ELMOD1: variants seen among roughly 807,000 people sequenced by gnomAD.
The protein encoded by ELMOD1 is ELMO domain-containing protein 1.
Under a neutral mutation model 46.7 loss-of-function variants are expected in ELMOD1, and 21 were observed. That is an observed-to-expected ratio of 0.45 (90% CI 0.32 to 0.65). The LOEUF (loss-of-function observed/expected upper bound fraction) is 0.65, where lower values mean the gene tolerates loss of function less well. Ranked by LOEUF, ELMOD1 falls within the 30% of genes least tolerant of loss-of-function variation. The pLI is 0.04. For missense variants in ELMOD1, 348 were observed against 407.8 expected (o/e 0.85, Z 1.26); for synonymous variants, 122 against 138.2 (o/e 0.88, Z 0.82).
intron 1 of ELMOD1, among the ~76,000 whole-genome samples, chr11:107,610,698 T>C (rs1191470249): frequency 6.6e-6 from 1 of 151,612 alleles, no homozygotes; most frequent in African/African-American, 2.4e-5. Context: ...TCTGTATTTT[T>C]CAATTAATGA....
At chr11:107,653,987 G>C in intron 9 of ELMOD1, 185 bp from the exon 10 acceptor site, 1 of 596,160 alleles carries the variant, frequency 1.7e-6, no homozygotes, top group Non-Finnish European at 3.0e-6. Context: ...GAGGTAAATA[G>C]CATGGCCTTA....
chr11:107,647,619 C>T lies in ELMOD1; in HGVS notation c.554+18C>T. Reference sequence around the variant, plus strand: ...AATTTGCAGTAAGTAAAATGAAGGACAGCTAAGTGTTCGAGTGATGTTTTG... The same window carrying T: ...AATTTGCAGTAAGTAAAATGAAGGATAGCTAAGTGTTCGAGTGATGTTTTG... On this transcript the variant is annotated intron_variant, in intron 7 of 11. Transcript: ENST00000265840. 2 of 1,607,972 alleles carry T rather than the reference C, an allele frequency of 1.2e-6. No individual in the cohort carries two copies. The highest frequency in any genetic ancestry group is 1.1e-5 in the South Asian group (1 of 89,490).
At chr11:107,624,843 A>T (rs1027542331) in intron 2 of ELMOD1, among the ~76,000 whole-genome samples, 1 of 152,206 alleles carries the variant, frequency 6.6e-6, no homozygotes, top group African/African-American at 2.4e-5. Context: ...TTATAAAAAG[A>T]GTGCCCTTTG....
intron 1 of ELMOD1, 88 bp downstream of exon 1, chr11:107,591,497 C>G (rs935772946): frequency 4.8e-6 from 1 of 206,490 alleles, no homozygotes; most frequent in African/African-American, 2.3e-5. Flanking sequence ...AGGCATCACG[C>G]AAGCTGCGCT....
chr11:107,643,678 A>T, intron 6 of ELMOD1: 1 of 524,468 alleles, frequency 1.9e-6, no homozygotes, highest in Non-Finnish European at 3.9e-6. Flanking sequence ...TTAAATGTTC[A>T]TACTTCCATA....
At chr11:107,601,787 A>G (rs1865603809) in intron 1 of ELMOD1, among the ~76,000 whole-genome samples, 1 of 152,074 alleles carries the variant, frequency 6.6e-6, no homozygotes, top group Admixed American at 6.5e-5. Flanking sequence ...CCAAACCAAC[A>G]GAGTTGTGAA....
At chr11:107,643,633 G>T in intron 6 of ELMOD1, 1 of 532,082 alleles carries the variant, frequency 1.9e-6, no homozygotes, top group South Asian at 1.4e-5. Flanking sequence ...TCTGAAGTTT[G>T]ACAGCAAGTC....
Position 107,618,146 on chromosome 11 carries a change from T to C in ELMOD1, c.-44T>C. ...CAAAGGCAAATTTGGAAGCAATTAC[T>C]TGAGGACAGTTCATATAGCATCTGG... On this transcript the variant is annotated 5_prime_UTR_variant, in exon 2 of 12. Coordinates refer to ENST00000265840, the MANE Select transcript of ELMOD1 (RefSeq NM_018712.4). 6.4e-7 allele frequency: 1 copy of C among 1,559,554 alleles called. No homozygotes were observed. The highest frequency in any genetic ancestry group is 1.2e-5 in the South Asian group (1 of 84,452).
At position 107,630,739 on chromosome 11, in the gene ELMOD1, T is replaced by C. The variant is rs757649712; in HGVS notation, c.192+11T>C. 6.3e-7 allele frequency: 1 copy of C among 1,596,030 alleles called. No individual in the cohort carries two copies. The highest frequency in any genetic ancestry group is 2.2e-5 in the East Asian group (1 of 44,650). On this transcript the variant is annotated intron_variant, in intron 4 of 11. Coordinates refer to ENST00000265840, the MANE Select transcript of ELMOD1 (RefSeq NM_018712.4). ...GATTCTAAAAGTAAGGTAAGTAAAA[T>C]TATTTTTCAGCAGCTTTTTTTTCAC...
chr11:107,604,117 C>T (rs965324272), intron 1 of ELMOD1, among the ~76,000 whole-genome samples: 2 of 152,044 alleles, frequency 1.3e-5, no homozygotes, highest in African/African-American at 2.4e-5. Context: ...CCCTTTGTGT[C>T]GAGGTAAGAA....
chr11:107,598,613 C>T (rs1485054430), intron 1 of ELMOD1, among the ~76,000 whole-genome samples: 1 of 152,206 alleles, frequency 6.6e-6, no homozygotes, highest in Non-Finnish European at 1.5e-5. Context: ...CCAGATGGTT[C>T]CTTTCCCCAA....
intron 11 of ELMOD1, 141 bp from the exon 12 acceptor site, chr11:107,664,884 T>C (rs1866814547): frequency 2.7e-6 from 2 of 729,036 alleles, no homozygotes; most frequent in Non-Finnish European, 4.5e-6. Flanking sequence ...ACAGTGGTAT[T>C]TTCTAGATTT....
chr11:107,657,509 C>T (rs1444778751), intron 11 of ELMOD1, among the ~76,000 whole-genome samples: 1 of 152,190 alleles, frequency 6.6e-6, no homozygotes, highest in Non-Finnish European at 1.5e-5. Context: ...GCCTGGGTGA[C>T]AGAGCAAGAC....
chr11:107,631,634 G>A lies in ELMOD1; in HGVS notation c.247G>A (p.Asp83Asn), dbSNP rs1320603333. ...HPDAIEKTIE[D>N]IMELKKINPD... The stretch of plus-strand genomic sequence containing the variant: ...CGACGCTATTGAAAAAACTATAGAA[G>A]ATATCATGGAACTGAAAAAAATTAA... The change falls in exon 5 of 12, where the codon GAT (aspartate) becomes AAT (asparagine). Residue 83 changes from aspartate to asparagine, a missense_variant. By Grantham distance (23) the Asp-to-Asn change is conservative. Transcript: ENST00000265840. 1 of 1,562,254 alleles carries A rather than the reference G, an allele frequency of 6.4e-7. No homozygotes were observed. Among genetic ancestry groups the A allele is most frequent in the Admixed American group, 1.9e-5 (1 of 52,732 alleles).
chr11:107,635,196 T>TG lies in ELMOD1; in HGVS notation c.291-434dup, dbSNP rs200712970. On this transcript the variant is annotated intron_variant, in intron 5 of 11. Transcript: ENST00000265840. The stretch of plus-strand genomic sequence containing the variant: ...CTAAGGTAATTCTGATATGACCACC[T>TG]GGGGGGTGCTATATAATCCCTAAGA... 1.4e-4 allele frequency among the ~76,000 whole-genome samples: 22 copies of TG among 152,286 alleles called. No homozygotes were observed. In the East Asian group the frequency reaches 4.2e-3, roughly 29 times the overall value.
At chr11:107,660,371 T>C (rs1395565705) in intron 11 of ELMOD1, among the ~76,000 whole-genome samples, 1 of 152,224 alleles carries the variant, frequency 6.6e-6, no homozygotes, top group African/African-American at 2.4e-5. Context: ...AACACTGAGC[T>C]GCCAAGGTAC....
chr11:107,657,525 C>T lies in ELMOD1; in HGVS notation c.832+1459C>T, dbSNP rs191879633. ...CCTGGGTGACAGAGCAAGACCCCAT[C>T]TCAATCAATCAATCAGTCAATCAAA... On this transcript the variant is annotated intron_variant, in intron 11 of 11. Coordinates refer to ENST00000265840, the MANE Select transcript of ELMOD1 (RefSeq NM_018712.4). Among the ~76,000 whole-genome samples, 17 of 152,288 alleles carry T rather than the reference C, an allele frequency of 1.1e-4. No homozygotes were observed. The East Asian group carries it at 3.1e-3, about 28-fold the overall frequency.
chr11:107,596,630 A>G (rs748700162), intron 1 of ELMOD1, among the ~76,000 whole-genome samples: 1 of 152,160 alleles, frequency 6.6e-6, no homozygotes, highest in Non-Finnish European at 1.5e-5. Context: ...TATCAAAGCT[A>G]TTTAAATTAA....
At chr11:107,646,943 AATCTATCT>A (rs10536920) in intron 6 of ELMOD1, among the ~76,000 whole-genome samples, 24,437 of 147,944 alleles carry the variant, frequency 0.17, 2,594 homozygotes, top group East Asian at 0.39. Flanking sequence ...TTATCTATCT[AATCTATCT>A]ATCTATCTAT....
Sources: allele counts gnomAD v4.1 joint callset (sites outside exome capture counted in the v4.1 genomes callset), GRCh38; gene constraint gnomAD v4.1.1; transcripts MANE v1.5; gene names NCBI Gene and HGNC (gene_info 2026-07-23, HGNC 2026-07-21).